Variants in GLG1 observed in about 807,000 individuals in gnomAD.
GLG1 encodes Golgi apparatus protein 1.
Under a neutral mutation model 160.5 loss-of-function variants are expected in GLG1, and 38 were observed. That is an observed-to-expected ratio of 0.24 (90% CI 0.18 to 0.31). The LOEUF is 0.31. Among genes scored for constraint, GLG1 ranks in the 10% least tolerant of loss-of-function variants. GLG1 has a pLI of 1.00. For missense variants in GLG1, 1,373 were observed against 1,505.2 expected, an observed-to-expected ratio of 0.91 and a Z score of 1.45; for synonymous variants, 644 against 543.4, an observed-to-expected ratio of 1.19 and a Z score of -2.57.
chr16:74,541,928 A>G, intron 1 of GLG1, among the ~76,000 whole-genome samples: 1 of 150,964 alleles, frequency 6.6e-6, no homozygotes, highest in East Asian at 1.9e-4. Context: ...ACACCTCAGA[A>G]AATATTTAGA....
rs2014554661 is a variant in GLG1, at chr16:74,456,653, G to A, written c.3368C>T (p.Ala1123Val). ...GGAGATTCTCTTGGTCATTACCTTT[G>A]CTGCGTAACTCCACATCTCAATCCG... ...NDRIEMWSYAAKVAPADGFSD... is the reference protein window; with the variant it reads ...NDRIEMWSYAVKVAPADGFSD... The change falls in exon 25 of 26, where the codon GCA (alanine) becomes GTA (valine). Residue 1123 changes from alanine (A) to valine (V), a missense_variant. Transcript: ENST00000422840. The A allele has an allele frequency of 3.8e-6, 6 of 1,588,686 alleles. No individual in the cohort carries two copies. Among genetic ancestry groups the A allele is most frequent in the Non-Finnish European group, 5.2e-6 (6 of 1,162,202 alleles).
At chr16:74,496,700 A>C in intron 4 of GLG1, 56 bp from the exon 5 acceptor site, 2 of 1,062,464 alleles carry the variant, frequency 1.9e-6, no homozygotes, top group Admixed American at 1.8e-5. Flanking sequence ...GTTTCAAATA[A>C]ACAACATTTG....
chr16:74,524,313 GATA>G (rs1340647535), intron 2 of GLG1, among the ~76,000 whole-genome samples: 1 of 151,998 alleles, frequency 6.6e-6, no homozygotes, highest in Non-Finnish European at 1.5e-5. Flanking sequence ...GGACCTCTAC[GATA>G]ATAAGTAACT....
In GLG1 at chr16:74,525,373, C is replaced by CT. The variant is rs1250312252; in HGVS notation, c.471+6747dup. ...TCATTGTGGTTAGGATACACATTTC[C>CT]TTTTTTTGTTTGCTTTTTAAAGAGA... On this transcript the variant is annotated intron_variant, in intron 2 of 25. Coordinates refer to ENST00000422840, the MANE Select transcript of GLG1 (RefSeq NM_001145667.2). 1.3e-5 allele frequency among the ~76,000 whole-genome samples: 2 copies of CT among 152,090 alleles called. 1 individual carries two copies. Among genetic ancestry groups the CT allele is most frequent in the East Asian group, 3.9e-4 (2 of 5,192 alleles).
chr16:74,491,540 G>A (rs2015985730), intron 7 of GLG1, among the ~76,000 whole-genome samples: 1 of 151,886 alleles, frequency 6.6e-6, no homozygotes, highest in South Asian at 2.1e-4. Context: ...AATCTCCATT[G>A]GCCTACACAA....
chr16:74,470,362 CTT>C (rs1457849446), intron 15 of GLG1, among the ~76,000 whole-genome samples: 2,593 of 148,014 alleles, frequency 0.018, 28 homozygotes, highest in Non-Finnish European at 0.026. Context: ...TCCTTCCCTC[CTT>C]CCTTCCTTCC....
intron 13 of GLG1, 69 bp from the exon 14 acceptor site, chr16:74,472,480 C>T: frequency 7.3e-7 from 1 of 1,371,416 alleles, no homozygotes; most frequent in Non-Finnish European, 1.0e-6. Context: ...AGCAGTTTCT[C>T]TTTCTGAATC....
In GLG1 at chr16:74,462,164, C is replaced by T. The variant is rs147773944; in HGVS notation, c.2966G>A (p.Arg989Gln). Residue 989 changes from arginine to glutamine, a missense_variant, in exon 22 of 26, where the codon CGA (arginine) becomes CAA (glutamine). This residue lies in a region of GLG1 where 491 missense variants were observed against 632.1 expected (regional missense o/e 0.78). Coordinates refer to ENST00000422840, the MANE Select transcript of GLG1 (RefSeq NM_001145667.2). ...CAGGGCGGACTCCTGGATAATGATT[C>T]GGATCTGGTCTTCACAGTCTGAAGA... is the stretch of plus-strand genomic sequence containing the variant. ...RLSSDCEDQIRIIIQESALDY... is the reference protein window; with the variant it reads ...RLSSDCEDQIQIIIQESALDY... 29 of 1,606,604 alleles carry T rather than the reference C, an allele frequency of 1.8e-5. No individual in the cohort carries two copies. In the East Asian group the frequency reaches 2.0e-4, roughly 11 times the overall value.
chr16:74,539,984 ATATATATATATTT>A (rs1341140713), intron 1 of GLG1, among the ~76,000 whole-genome samples: 24 of 1,254 alleles, frequency 0.019, 11 homozygotes, highest in South Asian at 0.5. Flanking sequence ...ACAAATACAA[ATATATATATATTT>A]TATATATATA....
intron 2 of GLG1, among the ~76,000 whole-genome samples, chr16:74,526,268 G>C (rs555273484): frequency 4.8e-5 from 7 of 147,246 alleles, no homozygotes; most frequent in African/African-American, 1.8e-4. Flanking sequence ...TCATTCTCTG[G>C]AAAGTAATGT....
intron 13 of GLG1, 57 bp from the exon 14 acceptor site, chr16:74,472,468 G>C: frequency 1.4e-6 from 2 of 1,401,766 alleles, no homozygotes; most frequent in South Asian, 2.4e-5. Context: ...GGGTGGAGGA[G>C]GAGCAGTTTC....
chr16:74,506,594 A>AAAAAAAAC (rs2016615944), intron 3 of GLG1, among the ~76,000 whole-genome samples: 1 of 148,740 alleles, frequency 6.7e-6, no homozygotes, highest in Non-Finnish European at 1.5e-5. Flanking sequence ...AAAAAAAAAA[A>AAAAAAAAC]AAAAAAAAAA....
chr16:74,493,018 C>T lies in GLG1; in HGVS notation c.1173G>A (p.Pro391=), dbSNP rs766892087. 30 of 1,613,806 alleles carry T rather than the reference C, an allele frequency of 1.9e-5. No individual in the cohort carries two copies. Among genetic ancestry groups the T allele is most frequent in the African/African-American group, 1.3e-5 (1 of 74,906 alleles). Residue 391 remains proline, a synonymous_variant, in exon 7 of 26, where the codon CCG becomes CCA. Coordinates refer to ENST00000422840, the MANE Select transcript of GLG1 (RefSeq NM_001145667.2). ...KKYRCNVENL[P]RSREARLSYL... ...AGGAGAGCCTGGCTTCACGCGATCG[C>T]GGAAGGTTTTCCACATTGCACCGGT...
intron 15 of GLG1, 114 bp downstream of exon 15, chr16:74,471,058 GA>G (rs934713369): frequency 1.8e-5 from 13 of 722,344 alleles, no homozygotes; most frequent in East Asian, 2.5e-5. Flanking sequence ...CGCCTGGCTG[GA>G]AAAAAATGAC....
chr16:74,471,386 GCCCTC>G, intron 14 of GLG1, 100 bp from the exon 15 acceptor site: 4 of 710,282 alleles, frequency 5.6e-6, no homozygotes, highest in Admixed American at 2.2e-5. Flanking sequence ...AGTTCTAGAA[GCCCTC>G]ACAAAAAAAA....
At chr16:74,606,175 T>C (rs1168682458) in intron 1 of GLG1, among the ~76,000 whole-genome samples, 1 of 152,202 alleles carries the variant, frequency 6.6e-6, no homozygotes, top group African/African-American at 2.4e-5. Context: ...CATACATTAA[T>C]TTCAGCACCA....
chr16:74,569,525 G>A (rs183244708), intron 1 of GLG1, among the ~76,000 whole-genome samples: 19 of 152,130 alleles, frequency 1.2e-4, no homozygotes, highest in African/African-American at 4.1e-4. Context: ...ACAGAGTCTA[G>A]CTTATCATTA....
At position 74,451,631 on chromosome 16, in the gene GLG1, T is replaced by G; in HGVS notation, c.*1536A>C. On this transcript the variant is annotated 3_prime_UTR_variant, in exon 26 of 26. Transcript: ENST00000422840. ...GTTTTAGGCACGTGATTTATAATAC[T>G]TTGTGGACATCTAACAGGTTAATAA... The G allele has an allele frequency of 5.4e-6, 1 of 186,690 alleles. No individual in the cohort carries two copies. The highest frequency in any genetic ancestry group is 1.1e-5 in the Non-Finnish European group (1 of 87,712). The allele number at this position is 186,690 out of a possible 1,614,324, so 11.6% of individuals were successfully genotyped here.
At chr16:74,465,208 T>C (rs963990089) in intron 19 of GLG1, among the ~76,000 whole-genome samples, 2 of 152,216 alleles carry the variant, frequency 1.3e-5, no homozygotes, top group East Asian at 1.9e-4. Context: ...TCAGCCCTGC[T>C]GCAGGGAATA....
Sources: allele counts gnomAD v4.1 joint callset (sites outside exome capture counted in the v4.1 genomes callset), GRCh38; gene constraint gnomAD v4.1.1; regional missense constraint gnomAD v4.1.1; transcripts MANE v1.5; gene names NCBI Gene and HGNC (gene_info 2026-07-23, HGNC 2026-07-21).